The following CSMD1 variants were observed in gnomAD, a reference collection of about 807,000 sequenced individuals.
CSMD1 encodes the protein CUB and sushi domain-containing protein 1.
In CSMD1, 213 loss-of-function variants were observed where a neutral mutation model predicts 417.5. The observed-to-expected ratio is 0.51, with a 90% CI of 0.46 to 0.57. The LOEUF (loss-of-function observed/expected upper bound fraction) is 0.57, where lower values mean the gene tolerates loss of function less well. Among genes scored for constraint, CSMD1 ranks in the 20% least tolerant of loss-of-function variants. The pLI is 0.00. For synonymous variants in CSMD1, 2,862 were observed against 1,736.8 expected (o/e 1.65, Z -16.11); for missense variants, 6,923 against 4,529.7 (o/e 1.53, Z -15.17).
chr8:4,480,377 G>C (rs11998229), intron 2 of CSMD1, among the ~76,000 whole-genome samples: 6 of 152,246 alleles, frequency 3.9e-5, no homozygotes, highest in Middle Eastern at 3.4e-3. Context: ...TTTCTCACTA[G>C]AATATTTGAG....
intron 1 of CSMD1, among the ~76,000 whole-genome samples, chr8:4,804,585 A>G (rs1177911290): frequency 1.3e-5 from 2 of 151,756 alleles, no homozygotes; most frequent in African/African-American, 2.4e-5. Flanking sequence ...GGGAGGGAGG[A>G]AGGAAGGAAG....
At chr8:3,829,793 T>C (rs986882958) in intron 5 of CSMD1, among the ~76,000 whole-genome samples, 2 of 152,138 alleles carry the variant, frequency 1.3e-5, no homozygotes, top group Admixed American at 6.5e-5. Flanking sequence ...TTGAATGAGG[T>C]TTTCCAACAC....
chr8:3,755,455 T>A (rs2720865), intron 5 of CSMD1, among the ~76,000 whole-genome samples: 2 of 152,080 alleles, frequency 1.3e-5, no homozygotes, highest in South Asian at 2.1e-4. Context: ...AAATGATGCT[T>A]ATTAGTGTAG....
intron 7 of CSMD1, among the ~76,000 whole-genome samples, chr8:3,689,007 T>C (rs1003273708): frequency 6.6e-6 from 1 of 152,180 alleles, no homozygotes; most frequent in Non-Finnish European, 1.5e-5. Flanking sequence ...CATAGAGTTA[T>C]GTACAATATT....
intron 2 of CSMD1, among the ~76,000 whole-genome samples, chr8:4,483,226 TC>T (rs1488367330): frequency 6.6e-6 from 1 of 152,206 alleles, no homozygotes; most frequent in African/African-American, 2.4e-5. Context: ...GAAGTGCCTT[TC>T]ACCTTCCACC....
chr8:3,654,272 C>G (rs1797997071), intron 7 of CSMD1, among the ~76,000 whole-genome samples: 1 of 152,120 alleles, frequency 6.6e-6, no homozygotes, highest in South Asian at 2.1e-4. Flanking sequence ...CATTCTTAGC[C>G]AAAATTTAAG....
At chr8:2,979,116 C>G (rs1805187362) in intron 54 of CSMD1, among the ~76,000 whole-genome samples, 1 of 152,144 alleles carries the variant, frequency 6.6e-6, no homozygotes, top group Non-Finnish European at 1.5e-5. Context: ...TAATAATGGT[C>G]AAATAGAACT....
chr8:4,249,352 T>G (rs746238385), intron 3 of CSMD1, among the ~76,000 whole-genome samples: 12 of 152,218 alleles, frequency 7.9e-5, no homozygotes, highest in Non-Finnish European at 1.3e-4. Flanking sequence ...AAAGCGGTGT[T>G]CAGTCTACGG....
At chr8:4,114,565 G>GCAGGT (rs1554454289) in intron 3 of CSMD1, among the ~76,000 whole-genome samples, 2 of 152,200 alleles carry the variant, frequency 1.3e-5, no homozygotes, top group Non-Finnish European at 2.9e-5. Context: ...CTTAATAAAT[G>GCAGGT]CATAAGTCTA....
At chr8:4,317,006 C>T (rs916810930) in intron 3 of CSMD1, among the ~76,000 whole-genome samples, 1 of 152,086 alleles carries the variant, frequency 6.6e-6, no homozygotes, top group Non-Finnish European at 1.5e-5. Context: ...CATGCCAATA[C>T]ACTGTTGGGG....
intron 2 of CSMD1, among the ~76,000 whole-genome samples, chr8:4,454,314 C>T (rs893156364): frequency 2.6e-5 from 4 of 152,278 alleles, no homozygotes; most frequent in East Asian, 1.9e-4. Flanking sequence ...CCTCTTCTTC[C>T]GCATCCTTGT....
chr8:4,572,929 G>A (rs1467644363), intron 2 of CSMD1, among the ~76,000 whole-genome samples: 3 of 152,158 alleles, frequency 2.0e-5, no homozygotes, highest in South Asian at 2.1e-4. Context: ...ACTTGTGTAT[G>A]CGTCATGAAG....
intron 2 of CSMD1, among the ~76,000 whole-genome samples, chr8:4,629,728 A>G (rs1585358115): frequency 6.6e-6 from 1 of 152,194 alleles, no homozygotes; most frequent in African/African-American, 2.4e-5. Context: ...TTATTTTGCT[A>G]CAAACAGCAA....
intron 49 of CSMD1, among the ~76,000 whole-genome samples, chr8:3,084,587 T>A (rs972052469): frequency 2.7e-5 from 4 of 150,458 alleles, no homozygotes; most frequent in Non-Finnish European, 5.9e-5. Flanking sequence ...TAATTAATAC[T>A]AAACAAATAA....
intron 2 of CSMD1, among the ~76,000 whole-genome samples, chr8:4,430,467 T>C (rs1255663781): frequency 6.6e-6 from 1 of 152,168 alleles, no homozygotes; most frequent in Non-Finnish European, 1.5e-5. Flanking sequence ...TATGGTGATT[T>C]AATAGACATG....
intron 2 of CSMD1, among the ~76,000 whole-genome samples, chr8:4,482,119 T>C (rs1163833024): frequency 6.6e-6 from 1 of 152,174 alleles, no homozygotes; most frequent in Non-Finnish European, 1.5e-5. Context: ...AACTTTTAAG[T>C]TCAGGGGTAC....
At chr8:4,740,508 TTTTC>T (rs961709569) in intron 1 of CSMD1, among the ~76,000 whole-genome samples, 9 of 152,144 alleles carry the variant, frequency 5.9e-5, no homozygotes, top group Admixed American at 3.3e-4. Flanking sequence ...ATGACAGAAA[TTTTC>T]TTTCTGTCTT....
chr8:4,366,493 T>A (rs551690480), intron 3 of CSMD1, among the ~76,000 whole-genome samples: 1 of 152,214 alleles, frequency 6.6e-6, no homozygotes, highest in African/African-American at 2.4e-5. Flanking sequence ...AGTTCTTCGA[T>A]AAAACTCCAC....
intron 1 of CSMD1, among the ~76,000 whole-genome samples, chr8:4,809,001 T>A (rs1798745508): frequency 6.6e-6 from 1 of 152,234 alleles, no homozygotes. Context: ...CATTTTGCTC[T>A]TGATCTTATT....
Sources: gnomAD v4.1 joint callset for allele counts (sites outside exome capture counted in the v4.1 genomes callset) on GRCh38, gnomAD v4.1.1 for gene constraint, MANE v1.5 for transcripts, NCBI Gene and HGNC (gene_info 2026-07-23, HGNC 2026-07-21) for gene names.